ANO2: variants seen among roughly 807,000 people sequenced by gnomAD.
The protein encoded by ANO2 is anoctamin 2, also known as anoctamin-2.
ANO2 carries 101 observed loss-of-function variants against 124.2 expected under a neutral mutation model. That is an observed-to-expected ratio of 0.81 (90% CI 0.69 to 0.96). ANO2 has a LOEUF of 0.96. Ranked by LOEUF, ANO2 falls within the 40% of genes least tolerant of loss-of-function variation. The probability of loss-of-function intolerance (pLI) is 0.00; values close to 1 mark genes in which losing one functional copy is unlikely to be tolerated. For synonymous variants in ANO2, 486 were observed against 482.5 expected (o/e 1.01, Z -0.09); for missense variants, 1,293 against 1,274.5 (o/e 1.01, Z -0.22).
intron 4 of ANO2, 113 bp downstream of exon 4, chr12:5,853,930 G>A: frequency 3.5e-6 from 1 of 287,316 alleles, no homozygotes; most frequent in South Asian, 6.9e-5. Flanking sequence ...CCCTGGGGAA[G>A]CAAGTGTGAT....
At chr12:5,738,470 G>A (rs149531827) in intron 13 of ANO2, among the ~76,000 whole-genome samples, 2 of 152,246 alleles carry the variant, frequency 1.3e-5, no homozygotes, top group Admixed American at 6.5e-5. Flanking sequence ...CCTCACCCAC[G>A]ATATCCACAC....
intron 14 of ANO2, among the ~76,000 whole-genome samples, chr12:5,706,399 C>G (rs1326155491): frequency 6.6e-6 from 1 of 152,116 alleles, no homozygotes; most frequent in Non-Finnish European, 1.5e-5. Context: ...CTGACTGCTC[C>G]TCTAACACAT....
rs112084814 is a variant in ANO2 at position 5,743,472 on chromosome 12, C to CGTGTGTGT, written c.1351+677_1351+684dup. On this transcript the variant is annotated intron_variant, in intron 12 of 24. Transcript: ENST00000682330. ...CGTTATTCCAGTTTGTGAGAATAGG[C>CGTGTGTGT]GTGTGTGTGTGTGTGTGTGTGTGTA... 5.0e-3 allele frequency among the ~76,000 whole-genome samples: 742 copies of CGTGTGTGT among 149,562 alleles called. 7 individuals carry two copies. The highest frequency in any genetic ancestry group is 0.014 in the African/African-American group (575 of 40,618).
chr12:5,929,301 T>C (rs1942241654), intron 1 of ANO2, among the ~76,000 whole-genome samples: 1 of 121,756 alleles, frequency 8.2e-6, no homozygotes, highest in Non-Finnish European at 1.6e-5. Flanking sequence ...ATTAGTCACT[T>C]TCTTACCAGT....
intron 3 of ANO2, among the ~76,000 whole-genome samples, chr12:5,875,945 C>T (rs547063636): frequency 4.6e-5 from 7 of 152,116 alleles, no homozygotes; most frequent in African/African-American, 1.7e-4. Flanking sequence ...CAATGAAAAA[C>T]GAATGAAGGA....
Position 5,639,359 on chromosome 12 carries a change from C to G in ANO2, c.1621-4012G>C, listed in dbSNP as rs184291907. 4.6e-5 allele frequency among the ~76,000 whole-genome samples: 7 copies of G among 152,298 alleles called. No homozygotes were observed. The East Asian group carries it at 5.8e-4, about 13-fold the overall frequency. On this transcript the variant is annotated intron_variant, in intron 15 of 24. Coordinates refer to ENST00000682330, the MANE Select transcript of ANO2 (RefSeq NM_001364791.2). Reference sequence around the variant, plus strand: ...TCATTCATAAAATGTGTCTTAAGCTCCTCCTTGTGCCAGTCTCAGTTCTAG... The same window carrying G: ...TCATTCATAAAATGTGTCTTAAGCTGCTCCTTGTGCCAGTCTCAGTTCTAG...
intron 9 of ANO2, among the ~76,000 whole-genome samples, chr12:5,805,289 G>GC (rs1565681765): frequency 2.0e-5 from 3 of 152,206 alleles, no homozygotes; most frequent in Non-Finnish European, 4.4e-5. Flanking sequence ...GAGGGAAGTT[G>GC]CTTGAGCTTC....
chr12:5,874,904 A>G (rs1293774847), intron 3 of ANO2, among the ~76,000 whole-genome samples: 3 of 152,352 alleles, frequency 2.0e-5, no homozygotes, highest in South Asian at 4.1e-4. Context: ...TCTGATGTTG[A>G]GTCACAAAAG....
intron 16 of ANO2, among the ~76,000 whole-genome samples, chr12:5,632,327 C>A (rs1945761773): frequency 6.6e-6 from 1 of 151,922 alleles, no homozygotes; most frequent in African/African-American, 2.4e-5. Flanking sequence ...AAAAGAGATT[C>A]ACATTTTAGA....
chr12:5,566,663 T>G (rs1178489594), intron 23 of ANO2, among the ~76,000 whole-genome samples: 1 of 151,284 alleles, frequency 6.6e-6, no homozygotes, highest in Admixed American at 6.6e-5. Flanking sequence ...GAGCAAAGGG[T>G]TTTTCTGGAA....
chr12:5,730,799 T>C (rs1441197009), intron 14 of ANO2, among the ~76,000 whole-genome samples: 1 of 152,232 alleles, frequency 6.6e-6, no homozygotes, highest in African/African-American at 2.4e-5. Context: ...TAGACCATTT[T>C]TATCTTACAC....
Position 5,851,820 on chromosome 12 carries a change from C to T in ANO2, c.633+2223G>A, listed in dbSNP as rs74781946. The stretch of plus-strand genomic sequence containing the variant: ...AAGGAAAAGAATGAGAGTAGAAAGA[C>T]GGGAAGGAAAGCAAAGAGGGAAAAT... On this transcript the variant is annotated intron_variant, in intron 4 of 24. Transcript: ENST00000682330. The T allele has an allele frequency of 5.3e-3, 3,591 of 675,422 alleles. 72 individuals are homozygous for T. Among genetic ancestry groups the T allele is most frequent in the African/African-American group, 0.051 (2,875 of 56,154 alleles). 41.8% of individuals were successfully genotyped at this position (675,422 alleles called of 1,614,324 possible).
At chr12:5,676,216 G>A (rs1228311337) in intron 14 of ANO2, among the ~76,000 whole-genome samples, 12 of 152,202 alleles carry the variant, frequency 7.9e-5, no homozygotes, top group South Asian at 2.1e-4. Flanking sequence ...AGAAATATGC[G>A]TTTAGAAAGG....
chr12:5,706,322 G>A (rs1949608326), intron 14 of ANO2, among the ~76,000 whole-genome samples: 1 of 152,044 alleles, frequency 6.6e-6, no homozygotes, highest in African/African-American at 2.4e-5. Context: ...CCTGTCTCCA[G>A]CTGCCTCTCA....
intron 13 of ANO2, among the ~76,000 whole-genome samples, chr12:5,734,540 A>G (rs1950774322): frequency 6.6e-6 from 1 of 152,196 alleles, no homozygotes; most frequent in African/African-American, 2.4e-5. Context: ...TTTCCAGGAC[A>G]TGATGTGGCA....
chr12:5,744,905 T>C (rs1451673948), intron 11 of ANO2, among the ~76,000 whole-genome samples: 1 of 152,156 alleles, frequency 6.6e-6, no homozygotes, highest in East Asian at 1.9e-4. Context: ...GGAGAGCCAC[T>C]TGTAGAATGG....
chr12:5,871,518 G>A (rs982594508), intron 3 of ANO2, among the ~76,000 whole-genome samples: 3 of 152,286 alleles, frequency 2.0e-5, no homozygotes, highest in East Asian at 3.9e-4. Context: ...GCATCACCAC[G>A]TGAGTGCCAC....
chr12:5,736,271 G>A (rs563002536), intron 13 of ANO2, among the ~76,000 whole-genome samples: 8 of 152,190 alleles, frequency 5.3e-5, no homozygotes, highest in East Asian at 1.9e-4. Flanking sequence ...TTTCCAAGCC[G>A]GACTTAAGCC....
At chr12:5,591,616 C>A (rs750880609) in intron 20 of ANO2, among the ~76,000 whole-genome samples, 1 of 152,114 alleles carries the variant, frequency 6.6e-6, no homozygotes, top group Admixed American at 6.5e-5. Context: ...TGGGAGAGAT[C>A]GTTCTCCTTG....
Sources: gnomAD v4.1 joint callset for allele counts (sites outside exome capture counted in the v4.1 genomes callset) on GRCh38, gnomAD v4.1.1 for gene constraint, MANE v1.5 for transcripts, NCBI Gene and HGNC (gene_info 2026-07-23, HGNC 2026-07-21) for gene names.